CSMD1: variants seen among roughly 807,000 people sequenced by gnomAD.
The protein encoded by CSMD1 is CUB and sushi domain-containing protein 1.
Under a neutral mutation model 417.5 loss-of-function variants are expected in CSMD1, and 213 were observed. The ratio of observed to expected loss-of-function variants is 0.51; its 90% confidence interval spans 0.46 to 0.57. The LOEUF (loss-of-function observed/expected upper bound fraction) is 0.57, where lower values mean the gene tolerates loss of function less well. Ranked by LOEUF, CSMD1 falls within the 20% of genes least tolerant of loss-of-function variation. CSMD1 has a pLI of 0.00. For synonymous variants in CSMD1, 2,862 were observed against 1,736.8 expected (o/e 1.65, Z -16.11); for missense variants, 6,923 against 4,529.7 (o/e 1.53, Z -15.17).
At chr8:4,762,362 T>C (rs1347953671) in intron 1 of CSMD1, among the ~76,000 whole-genome samples, 2 of 152,176 alleles carry the variant, frequency 1.3e-5, no homozygotes, top group African/African-American at 4.8e-5. Flanking sequence ...CTTTGTTTAC[T>C]GCTATACATT....
chr8:3,338,297 G>C (rs541243862), intron 23 of CSMD1, among the ~76,000 whole-genome samples: 20 of 152,312 alleles, frequency 1.3e-4, no homozygotes, highest in African/African-American at 4.8e-4. Flanking sequence ...GGTGCTGGGC[G>C]TTTCTTGACA....
chr8:3,605,668 A>G (rs746754463), intron 8 of CSMD1, among the ~76,000 whole-genome samples: 3 of 152,224 alleles, frequency 2.0e-5, no homozygotes, highest in Non-Finnish European at 4.4e-5. Flanking sequence ...AAAAATAAAC[A>G]TGGTATCCTC....
chr8:3,478,209 C>T (rs10090206), intron 11 of CSMD1, among the ~76,000 whole-genome samples: 98,567 of 152,084 alleles, frequency 0.65, 32,596 homozygotes, highest in Middle Eastern at 0.77. Context: ...CATTTACAAT[C>T]GCTATTTTAA....
chr8:4,898,716 A>C lies in CSMD1; in HGVS notation c.85+95616T>G, dbSNP rs1005627508. 2.0e-5 allele frequency among the ~76,000 whole-genome samples: 3 copies of C among 152,184 alleles called. No homozygotes were observed. In the East Asian group the frequency reaches 5.8e-4, roughly 29 times the overall value. On this transcript the variant is annotated intron_variant, in intron 1 of 69. Transcript: ENST00000635120. ...CGAAATGGAATAGATTTTATTATATAGTCCTTGAAAACCTCTCTGACTTTC... is the reference window on the plus strand; with the variant it reads ...CGAAATGGAATAGATTTTATTATATCGTCCTTGAAAACCTCTCTGACTTTC...
intron 3 of CSMD1, among the ~76,000 whole-genome samples, chr8:4,151,102 T>A (rs7010638): frequency 0.27 from 40,952 of 152,080 alleles, 6,022 homozygotes; most frequent in African/African-American, 0.39. Flanking sequence ...TGCATCCTTC[T>A]CCCAGCAGAA....
At chr8:4,276,826 T>C (rs1025637882) in intron 3 of CSMD1, among the ~76,000 whole-genome samples, 1 of 152,078 alleles carries the variant, frequency 6.6e-6, no homozygotes, top group African/African-American at 2.4e-5. Flanking sequence ...AAATCTCTTT[T>C]CAGAAATACA....
chr8:3,809,842 C>T (rs1358488269), intron 5 of CSMD1, among the ~76,000 whole-genome samples: 5 of 152,234 alleles, frequency 3.3e-5, no homozygotes, highest in Non-Finnish European at 7.4e-5. Flanking sequence ...GAATGCAGAC[C>T]TCTAGAAAAA....
In CSMD1 at chr8:4,442,570, T is replaced by G. The variant is rs1422197826; in HGVS notation, c.303-22505A>C. ...CATATGCAACTAAAGAGATTTTATC[T>G]TGTTTCACTTATAGCTCTTCCCCAA... is the stretch of plus-strand genomic sequence containing the variant. On this transcript the variant is annotated intron_variant, in intron 2 of 69. Coordinates refer to ENST00000635120, the MANE Select transcript of CSMD1 (RefSeq NM_033225.6). Among the ~76,000 whole-genome samples the G allele has an allele frequency of 2.6e-5, 4 of 152,338 alleles. No individual in the cohort carries two copies. The East Asian group carries it at 7.7e-4, about 29-fold the overall frequency.
intron 4 of CSMD1, among the ~76,000 whole-genome samples, chr8:4,011,826 C>G (rs1212176318): frequency 6.6e-6 from 1 of 152,102 alleles, no homozygotes; most frequent in Non-Finnish European, 1.5e-5. Context: ...AATATGTGCA[C>G]AGTCATCTTT....
chr8:3,964,129 C>T (rs964174344), intron 5 of CSMD1, among the ~76,000 whole-genome samples: 9 of 152,080 alleles, frequency 5.9e-5, no homozygotes, highest in South Asian at 2.1e-4. Flanking sequence ...AAAAGTTTTG[C>T]GTAAAATTCA....
At chr8:3,923,079 G>C (rs1809389319) in intron 5 of CSMD1, among the ~76,000 whole-genome samples, 3 of 152,104 alleles carry the variant, frequency 2.0e-5, no homozygotes, top group African/African-American at 7.2e-5. Context: ...CTGGAGCCCA[G>C]TTGCGAAGGG....
At chr8:4,359,865 C>T (rs1584954253) in intron 3 of CSMD1, among the ~76,000 whole-genome samples, 1 of 152,312 alleles carries the variant, frequency 6.6e-6, no homozygotes, top group Middle Eastern at 3.4e-3. Context: ...AGTCCAGAGA[C>T]AACACTACTA....
At chr8:3,306,821 A>AAGAGCTTACTTTAAAAATATTAC (rs11272267) in intron 25 of CSMD1, among the ~76,000 whole-genome samples, 4 of 143,400 alleles carry the variant, frequency 2.8e-5, no homozygotes, top group East Asian at 4.4e-4. Flanking sequence ...GTAGATCACC[A>AAGAGCTTACTTTAAAAATATTAC]AGAGCTTACT....
intron 30 of CSMD1, among the ~76,000 whole-genome samples, chr8:3,207,181 CT>C (rs33974052): frequency 0.72 from 100,020 of 138,758 alleles, 36,334 homozygotes; most frequent in Non-Finnish European, 0.76. Flanking sequence ...GTGTCTTGCC[CT>C]GTCACCCAGG....
chr8:3,955,441 TG>T (rs1308308007), intron 5 of CSMD1, among the ~76,000 whole-genome samples: 1 of 151,992 alleles, frequency 6.6e-6, no homozygotes, highest in Non-Finnish European at 1.5e-5. Flanking sequence ...TAAACCAGAA[TG>T]AAAAAATGTA....
At chr8:3,926,360 T>G (rs1396656938) in intron 5 of CSMD1, among the ~76,000 whole-genome samples, 1 of 152,052 alleles carries the variant, frequency 6.6e-6, no homozygotes, top group African/African-American at 2.4e-5. Flanking sequence ...TTATTTTATG[T>G]TTTTTCACCA....
intron 11 of CSMD1, among the ~76,000 whole-genome samples, chr8:3,479,397 C>T (rs903564677): frequency 6.6e-6 from 1 of 152,176 alleles, no homozygotes; most frequent in African/African-American, 2.4e-5. Context: ...TCTCCTGCCT[C>T]AGCCTCCCAA....
At chr8:4,147,056 C>T (rs1804181376) in intron 3 of CSMD1, among the ~76,000 whole-genome samples, 1 of 151,826 alleles carries the variant, frequency 6.6e-6, no homozygotes, top group African/African-American at 2.4e-5. Context: ...TTTCCTTCAC[C>T]CTCCTGCCCT....
At chr8:4,100,789 T>A (rs1164230477) in intron 3 of CSMD1, among the ~76,000 whole-genome samples, 1 of 152,144 alleles carries the variant, frequency 6.6e-6, no homozygotes, top group Non-Finnish European at 1.5e-5. Flanking sequence ...CTTTAGAGTA[T>A]GGTGCCAAAA....
Sources: allele counts gnomAD v4.1 joint callset (sites outside exome capture counted in the v4.1 genomes callset), GRCh38; gene constraint gnomAD v4.1.1; transcripts MANE v1.5; gene names NCBI Gene and HGNC (gene_info 2026-07-23, HGNC 2026-07-21).